TNIK: variants seen among roughly 807,000 people sequenced by gnomAD.
The protein encoded by TNIK is TRAF2 and NCK-interacting protein kinase.
In TNIK, 49 loss-of-function variants were observed where a neutral mutation model predicts 191.3. The ratio of observed to expected loss-of-function variants is 0.26; its 90% confidence interval spans 0.20 to 0.32. TNIK has a LOEUF of 0.32. TNIK is among the 10% of genes least tolerant of loss of function. TNIK has a pLI of 1.00. For missense variants in TNIK, 1,155 were observed against 1,702.3 expected (o/e 0.68, Z 5.66); for synonymous variants, 594 against 600.9 (o/e 0.99, Z 0.17).
intron 2 of TNIK, among the ~76,000 whole-genome samples, chr3:171,236,798 T>C (rs921126034): frequency 2.0e-5 from 3 of 152,158 alleles, no homozygotes; most frequent in African/African-American, 7.2e-5. Flanking sequence ...AAAGAAGATA[T>C]ATTACATCCT....
At chr3:171,064,041 T>C (rs575905619) in intron 32 of TNIK, 77 bp from the exon 33 acceptor site, 1 of 1,372,720 alleles carries the variant, frequency 7.3e-7, no homozygotes, top group African/African-American at 1.4e-5. Context: ...ATCCATTTTC[T>C]CTCACATGTC....
intron 2 of TNIK, among the ~76,000 whole-genome samples, chr3:171,295,522 C>T (rs1214597090): frequency 6.6e-6 from 1 of 152,184 alleles, no homozygotes; most frequent in Non-Finnish European, 1.5e-5. Context: ...CCCTTTCTTT[C>T]CCAGCAGCTT....
intron 2 of TNIK, among the ~76,000 whole-genome samples, chr3:171,295,930 GGTCGA>G (rs2108254403): frequency 6.6e-6 from 1 of 152,320 alleles, no homozygotes; most frequent in East Asian, 1.9e-4. Context: ...CCTAATGCAA[GGTCGA>G]GTACTAGGCT....
intron 2 of TNIK, among the ~76,000 whole-genome samples, chr3:171,282,334 G>GTTTGTTTTTTTTTTTTTT (rs1750528341): frequency 1.7e-5 from 2 of 114,524 alleles, no homozygotes; most frequent in Non-Finnish European, 3.6e-5. Flanking sequence ...TCTCTTAATG[G>GTTTGTTTTTTTTTTTTTT]TTTTTTGTTT....
Position 171,400,588 on chromosome 3 carries a change from A to G in TNIK, c.58-30903T>C, listed in dbSNP as rs540718059. 1.3e-3 allele frequency among the ~76,000 whole-genome samples: 203 copies of G among 152,104 alleles called. 1 individual carries two copies. The highest frequency in any genetic ancestry group is 4.7e-3 in the African/African-American group (193 of 41,486). On this transcript the variant is annotated intron_variant, in intron 1 of 32. Coordinates refer to ENST00000436636, the MANE Select transcript of TNIK (RefSeq NM_015028.4). ...CCTATCTCACAATAAATAAATAAAT[A>G]AATAAATAAAGTGCTAGATCCAGAC...
At chr3:171,260,250 A>C (rs181488254) in intron 2 of TNIK, among the ~76,000 whole-genome samples, 170 of 152,216 alleles carry the variant, frequency 1.1e-3, no homozygotes, top group Non-Finnish European at 1.8e-3. Flanking sequence ...CTAGGCTATA[A>C]ATTCCCACTT....
intron 3 of TNIK, among the ~76,000 whole-genome samples, chr3:171,217,234 TCATGTCCTTTTCAGTA>T (rs1741557848): frequency 6.6e-6 from 1 of 152,136 alleles, no homozygotes; most frequent in Admixed American, 6.6e-5. Context: ...ATGAATGGAA[TCATGTCCTTTTCAGTA>T]ACATGGTTGA....
intron 1 of TNIK, among the ~76,000 whole-genome samples, chr3:171,444,648 T>G (rs75585474): frequency 0.035 from 5,323 of 151,704 alleles, 328 homozygotes; most frequent in African/African-American, 0.12. Flanking sequence ...CAATTGAAAG[T>G]TGTAGACTTT....
chr3:171,355,403 T>C (rs1442653818), intron 2 of TNIK, among the ~76,000 whole-genome samples: 3 of 152,158 alleles, frequency 2.0e-5, no homozygotes, highest in Admixed American at 1.3e-4. Flanking sequence ...GGGTACAAAA[T>C]GGTAGAACAA....
At chr3:171,402,025 G>A (rs1721015050) in intron 1 of TNIK, among the ~76,000 whole-genome samples, 1 of 152,158 alleles carries the variant, frequency 6.6e-6, no homozygotes, top group South Asian at 2.1e-4. Flanking sequence ...AAGCTATGTG[G>A]GGTGTTAAAC....
chr3:171,252,085 T>C (rs1325686846), intron 2 of TNIK, among the ~76,000 whole-genome samples: 3 of 152,108 alleles, frequency 2.0e-5, no homozygotes, highest in Admixed American at 2.0e-4. Context: ...TGTGTGCGTG[T>C]GTGTGTGTCA....
At chr3:171,225,623 GACTA>G (rs1187297317) in intron 3 of TNIK, 4 of 456,130 alleles carry the variant, frequency 8.8e-6, no homozygotes, top group African/African-American at 6.0e-5. Context: ...AGTTTAGAAA[GACTA>G]ACTGACATTC....
In TNIK at chr3:171,424,798, A is replaced by C. The variant is rs184035950; in HGVS notation, c.57+35209T>G. On this transcript the variant is annotated intron_variant, in intron 1 of 32. Transcript: ENST00000436636. Reference sequence around the variant, plus strand: ...AATTGAACAATGAGAACACATGGACACAGGAAGGGGAACATCACACACTGG... The same window carrying C: ...AATTGAACAATGAGAACACATGGACCCAGGAAGGGGAACATCACACACTGG... 4.2e-4 allele frequency among the ~76,000 whole-genome samples: 57 copies of C among 135,644 alleles called. No homozygotes were observed. In the East Asian group the frequency reaches 6.8e-3, roughly 16 times the overall value. 89.0% of individuals were successfully genotyped at this position (135,644 alleles called of 152,430 possible). A position where few individuals can be genotyped will look rare whatever the true frequency, so the allele number is the denominator to read the frequency against.
chr3:171,294,628 G>C (rs1192607782), intron 2 of TNIK, among the ~76,000 whole-genome samples: 1 of 152,044 alleles, frequency 6.6e-6, no homozygotes, highest in Non-Finnish European at 1.5e-5. Context: ...GGCTGAGGCA[G>C]GAGAATCACT....
At chr3:171,067,276 GA>G (rs937113434) in intron 30 of TNIK, among the ~76,000 whole-genome samples, 20 of 150,310 alleles carry the variant, frequency 1.3e-4, no homozygotes, top group African/African-American at 3.2e-4. Context: ...AATAATCTGT[GA>G]AAAAAAAATA....
intron 1 of TNIK, among the ~76,000 whole-genome samples, chr3:171,436,151 C>G (rs900381314): frequency 6.6e-6 from 1 of 152,220 alleles, no homozygotes; most frequent in South Asian, 2.1e-4. Flanking sequence ...CCACTTCCCT[C>G]CATCTTCCCC....
intron 4 of TNIK, among the ~76,000 whole-genome samples, chr3:171,208,643 C>T (rs1263714137): frequency 1.3e-5 from 2 of 151,828 alleles, no homozygotes; most frequent in African/African-American, 4.8e-5. Context: ...CTGCAACCTC[C>T]GCCTCCCAAG....
chr3:171,460,236 G>T lies in TNIK; in HGVS notation c.-173C>A, dbSNP rs958730079. 1 of 813,390 alleles carries T rather than the reference G, an allele frequency of 1.2e-6. No homozygotes were observed. The highest frequency in any genetic ancestry group is 1.9e-6 in the Non-Finnish European group (1 of 518,780). The allele number at this position is 813,390 out of a possible 1,614,324, so 50.4% of individuals were successfully genotyped here. On this transcript the variant is annotated 5_prime_UTR_variant, in exon 1 of 33. Coordinates refer to ENST00000436636, the MANE Select transcript of TNIK (RefSeq NM_015028.4). This position sits in a 1 kb window ranked among gnomAD's most constrained non-coding sequence, Gnocchi z 6.8. The stretch of plus-strand genomic sequence containing the variant: ...AGCGCCGGATCCCGATCCTCCGCGC[G>T]TCGGTCCGCCGGGTCCGGGAGCCCA...
intron 2 of TNIK, among the ~76,000 whole-genome samples, chr3:171,264,654 C>T (rs16848002): frequency 0.034 from 5,225 of 152,230 alleles, 260 homozygotes; most frequent in African/African-American, 0.12. Context: ...CCCTCACACT[C>T]TCCAGAAGCT....
Sources: allele counts gnomAD v4.1 joint callset (sites outside exome capture counted in the v4.1 genomes callset), GRCh38; gene constraint gnomAD v4.1.1; non-coding constraint Gnocchi (gnomAD v3.1); transcripts MANE v1.5; gene names NCBI Gene and HGNC (gene_info 2026-07-23, HGNC 2026-07-21).